DBF4B: variants seen among roughly 807,000 people sequenced by gnomAD.
DBF4B encodes the protein DBF4B-CDC7 kinase regulatory subunit.
DBF4B carries 49 observed loss-of-function variants against 53.4 expected under a neutral mutation model. The observed-to-expected ratio is 0.92, with a 90% CI of 0.73 to 1.16. The LOEUF (loss-of-function observed/expected upper bound fraction) is 1.16, where lower values mean the gene tolerates loss of function less well. Ranked by LOEUF, DBF4B falls within the 50% of genes most tolerant of loss-of-function variation. DBF4B has a pLI of 0.00. For missense variants in DBF4B, 692 were observed against 775.0 expected, an observed-to-expected ratio of 0.89 and a Z score of 1.27; for synonymous variants, 257 against 288.7, an observed-to-expected ratio of 0.89 and a Z score of 1.11.
rs1190920013 is a variant in DBF4B, at chr17:44,729,728, C to CACACACACA, written c.226-177_226-176insACACACACA. 5.3e-3 allele frequency among the ~76,000 whole-genome samples: 662 copies of CACACACACA among 126,062 alleles called. 7 individuals carry two copies. Among genetic ancestry groups the CACACACACA allele is most frequent in the African/African-American group, 0.018 (630 of 35,012 alleles). The allele number at this position is 126,062 out of a possible 152,430, so 82.7% of individuals were successfully genotyped here. On this transcript the variant is annotated intron_variant, in intron 3 of 13. Transcript: ENST00000315005. Reference sequence around the variant, plus strand: ...CACACACACACACACACACACACACCCCATTAGATTTCAGGATGATGTCTT... The same window carrying CACACACACA: ...CACACACACACACACACACACACACCACACACACACCATTAGATTTCAGGATGATGTCTT...
At chr17:44,735,388 G>C (rs527372870) in intron 7 of DBF4B, among the ~76,000 whole-genome samples, 2 of 152,126 alleles carry the variant, frequency 1.3e-5, no homozygotes, top group African/African-American at 2.4e-5. Flanking sequence ...AATCAGTTTT[G>C]TAGGCCGGGC....
intron 10 of DBF4B, among the ~76,000 whole-genome samples, chr17:44,742,725 G>T (rs1254448035): frequency 1.3e-5 from 2 of 152,156 alleles, no homozygotes; most frequent in South Asian, 2.1e-4. Context: ...TAACTAAGGG[G>T]CGGGGCGGGG....
At chr17:44,721,504 C>T (rs1270996133) in intron 2 of DBF4B, among the ~76,000 whole-genome samples, 4 of 152,104 alleles carry the variant, frequency 2.6e-5, no homozygotes, top group Non-Finnish European at 5.9e-5. Context: ...CAGGTATGAG[C>T]CACTGTGCCC....
At chr17:44,731,138 C>A in intron 5 of DBF4B, 123 bp downstream of exon 5, 2 of 1,089,136 alleles carry the variant, frequency 1.8e-6, no homozygotes, top group Non-Finnish European at 2.7e-6. Context: ...GTAGTATTGT[C>A]ATTATTTCCT....
intron 2 of DBF4B, among the ~76,000 whole-genome samples, chr17:44,717,658 G>A (rs903160327): frequency 2.0e-5 from 3 of 147,950 alleles, no homozygotes; most frequent in Non-Finnish European, 3.0e-5. Context: ...GGACTGAGCC[G>A]AGATCGTGCC....
intron 6 of DBF4B, among the ~76,000 whole-genome samples, chr17:44,733,313 A>G (rs1381657432): frequency 6.6e-6 from 1 of 152,216 alleles, no homozygotes; most frequent in Non-Finnish European, 1.5e-5. Flanking sequence ...CCATGGTCTC[A>G]CCAGAGTGTG....
chr17:44,724,501 C>T (rs965885294), intron 3 of DBF4B, among the ~76,000 whole-genome samples: 1 of 152,204 alleles, frequency 6.6e-6, no homozygotes, highest in Non-Finnish European at 1.5e-5. Context: ...CCTCAGCCTC[C>T]CAAGTAGCTG....
At chr17:44,729,677 T>TACACAC (rs1429104175) in intron 3 of DBF4B, among the ~76,000 whole-genome samples, 70 of 100,470 alleles carry the variant, frequency 7.0e-4, no homozygotes, top group African/African-American at 2.6e-3. Context: ...AAACCTGTAA[T>TACACAC]ACACATACAC....
chr17:44,738,635 A>G (rs1044735759), intron 9 of DBF4B, among the ~76,000 whole-genome samples: 19 of 152,222 alleles, frequency 1.2e-4, no homozygotes, highest in African/African-American at 4.6e-4. Flanking sequence ...TACAGTGAAT[A>G]GTCCTCTTGG....
In DBF4B at chr17:44,749,095, C is replaced by T. The variant is rs1055197171; in HGVS notation, c.1189+630C>T. Reference sequence around the variant, plus strand: ...CACAGCTCCAGGCTGGCCATCAGCTCCCCTGTACTCAGCTACCAGTGTGCA... The same window carrying T: ...CACAGCTCCAGGCTGGCCATCAGCTTCCCTGTACTCAGCTACCAGTGTGCA... On this transcript the variant is annotated intron_variant, in intron 13 of 13. Coordinates refer to ENST00000315005, the MANE Select transcript of DBF4B (RefSeq NM_145663.3). The surrounding 1 kb of genome is among the most constrained non-coding windows in gnomAD (Gnocchi z 4.4). 15 of 1,289,674 alleles carry T rather than the reference C, an allele frequency of 1.2e-5. No individual in the cohort carries two copies. Among genetic ancestry groups the T allele is most frequent in the Non-Finnish European group, 1.5e-5 (15 of 988,840 alleles). The allele number at this position is 1,289,674 out of a possible 1,614,324, so 79.9% of individuals were successfully genotyped here.
Position 44,751,243 on chromosome 17 carries a change from A to G in DBF4B, c.1838A>G (p.Asp613Gly). Residue 613 changes from aspartate to glycine, a missense_variant, in exon 14 of 14, where the codon GAC becomes GGC. Physicochemically the swap from Asp to Gly is moderately conservative, Grantham distance 94 (BLOSUM62 -1). This residue lies in a region of DBF4B where 597 missense variants were observed against 665.8 expected (regional missense o/e 0.90). Coordinates refer to ENST00000315005, the MANE Select transcript of DBF4B (RefSeq NM_145663.3). Reference sequence around the variant, plus strand: ...CTCCATTGCGGCTTCCTGGCTGTAGACTCAGGTTAGAGGTGAACCCAGAAC... The same window carrying G: ...CTCCATTGCGGCTTCCTGGCTGTAGGCTCAGGTTAGAGGTGAACCCAGAAC... Reference protein sequence around the residue: ...PFLHCGFLAVDSG With the variant: ...PFLHCGFLAVGSG 6.2e-7 allele frequency: 1 copy of G among 1,612,646 alleles called. No individual in the cohort carries two copies. Among genetic ancestry groups the G allele is most frequent in the Non-Finnish European group, 8.5e-7 (1 of 1,179,488 alleles).
intron 2 of DBF4B, among the ~76,000 whole-genome samples, chr17:44,711,751 A>G (rs1399181641): frequency 6.6e-6 from 1 of 152,074 alleles, no homozygotes; most frequent in Non-Finnish European, 1.5e-5. Context: ...GATTGAGACC[A>G]TGGTGAAACC....
chr17:44,720,806 C>A (rs1336403618), intron 2 of DBF4B, among the ~76,000 whole-genome samples: 1 of 151,900 alleles, frequency 6.6e-6, no homozygotes, highest in African/African-American at 2.4e-5. Flanking sequence ...ACATTCCCTC[C>A]AGAAGTATAT....
At chr17:44,727,723 G>A (rs1974479929) in intron 3 of DBF4B, among the ~76,000 whole-genome samples, 1 of 152,116 alleles carries the variant, frequency 6.6e-6, no homozygotes. Context: ...TTTAGACAAA[G>A]TTTTGCTCTT....
intron 7 of DBF4B, among the ~76,000 whole-genome samples, chr17:44,735,415 G>C (rs1007089930): frequency 3.3e-5 from 5 of 152,204 alleles, no homozygotes; most frequent in African/African-American, 1.2e-4. Flanking sequence ...GCTCACGCCT[G>C]TAATCCCAGT....
chr17:44,736,458 G>A (rs1598829975), intron 7 of DBF4B, among the ~76,000 whole-genome samples: 1 of 152,202 alleles, frequency 6.6e-6, no homozygotes, highest in Admixed American at 6.5e-5. Flanking sequence ...CTGCCATTTA[G>A]TGAGCATCTA....
At position 44,749,245 on chromosome 17, in the gene DBF4B, G is replaced by C; in HGVS notation, c.1189+780G>C. ...GCCTCTCCAGGTGCCCTGTCTCCCT[G>C]TCTCCCAGCCCTGGTCCCAACCCCA... is the stretch of plus-strand genomic sequence containing the variant. On this transcript the variant is annotated intron_variant, in intron 13 of 13. Coordinates refer to ENST00000315005, the MANE Select transcript of DBF4B (RefSeq NM_145663.3). The surrounding 1 kb of genome is among the most constrained non-coding windows in gnomAD (Gnocchi z 4.4). The C allele has an allele frequency of 1.5e-6, 2 of 1,290,534 alleles. No individual in the cohort carries two copies. Among genetic ancestry groups the C allele is most frequent in the South Asian group, 1.2e-5 (1 of 81,770 alleles). 79.9% of individuals were successfully genotyped at this position (1,290,534 alleles called of 1,614,324 possible). A position where few individuals can be genotyped will look rare whatever the true frequency, so the allele number is the denominator to read the frequency against.
Position 44,729,986 on chromosome 17 carries a change from A to G in DBF4B, c.307A>G (p.Ser103Gly). ...REVKAESSGK[S>G]HRGCPSPSPS... is the part of the protein sequence containing the mutation. ...AGTAAAGGCAGAGAGCAGTGGGAAA[A>G]GCCATAGAGGCTGCCCTAGCCCTAG... Residue 103 changes from serine (S) to glycine (G), a missense_variant, in exon 4 of 14, where the codon AGC becomes GGC. Physicochemically the swap from Ser to Gly is moderately conservative, Grantham distance 56. Transcript: ENST00000315005. The G allele has an allele frequency of 6.2e-7, 1 of 1,613,992 alleles. No individual in the cohort carries two copies. The highest frequency in any genetic ancestry group is 8.5e-7 in the Non-Finnish European group (1 of 1,180,026).
chr17:44,750,076 C>T, intron 13 of DBF4B: 1 of 999,286 alleles, frequency 1.0e-6, no homozygotes, highest in Non-Finnish European at 1.2e-6. Flanking sequence ...GCCTCCTCAG[C>T]TTGAGCTGCC....
Sources: allele counts gnomAD v4.1 joint callset (sites outside exome capture counted in the v4.1 genomes callset), GRCh38; gene constraint gnomAD v4.1.1; regional missense constraint gnomAD v4.1.1; non-coding constraint Gnocchi (gnomAD v3.1); transcripts MANE v1.5; gene names NCBI Gene and HGNC (gene_info 2026-07-23, HGNC 2026-07-21).